EXOC4: variants seen among roughly 807,000 people sequenced by gnomAD.
The protein encoded by EXOC4 is SEC8-like 1.
EXOC4 carries 71 observed loss-of-function variants against 107.2 expected under a neutral mutation model. The observed-to-expected ratio is 0.66, with a 90% confidence interval of 0.55 to 0.81. EXOC4 has a LOEUF of 0.81. Ranked by LOEUF, EXOC4 falls within the 30% of genes least tolerant of loss-of-function variation. The pLI, the probability that EXOC4 is intolerant of heterozygous loss-of-function variation, is 0.00. For missense variants in EXOC4, 1,108 were observed against 1,189.6 expected, an observed-to-expected ratio of 0.93 and a Z score of 1.01; for synonymous variants, 456 against 441.2, an observed-to-expected ratio of 1.03 and a Z score of -0.42.
chr7:133,482,621 T>G (rs1799183344), intron 9 of EXOC4, among the ~76,000 whole-genome samples: 1 of 152,138 alleles, frequency 6.6e-6, no homozygotes, highest in Non-Finnish European at 1.5e-5. Flanking sequence ...CCCCAGCACT[T>G]GCTTTGTAAC....
chr7:133,697,604 C>A (rs1794564623), intron 10 of EXOC4, among the ~76,000 whole-genome samples: 1 of 152,110 alleles, frequency 6.6e-6, no homozygotes, highest in South Asian at 2.1e-4. Flanking sequence ...ATTCAAGGGG[C>A]CTTGGCCATA....
At chr7:133,987,774 G>T (rs142513872) in intron 14 of EXOC4, among the ~76,000 whole-genome samples, 128 of 152,170 alleles carry the variant, frequency 8.4e-4, no homozygotes, top group African/African-American at 2.9e-3. Flanking sequence ...CCTGACAGCT[G>T]ATACCAGTCT....
intron 10 of EXOC4, among the ~76,000 whole-genome samples, chr7:133,787,679 AG>A (rs1461580486): frequency 6.6e-6 from 1 of 151,534 alleles, no homozygotes; most frequent in Non-Finnish European, 1.5e-5. Flanking sequence ...GTCTTCACAT[AG>A]GGTGCAGGGA....
At chr7:133,608,794 G>A (rs1802012418) in intron 9 of EXOC4, among the ~76,000 whole-genome samples, 1 of 151,912 alleles carries the variant, frequency 6.6e-6, no homozygotes, top group Admixed American at 6.6e-5. Flanking sequence ...TGATCTGCCT[G>A]CCTCGGCCTC....
At chr7:133,253,342 C>T in intron 1 of EXOC4, 155 bp downstream of exon 1, 1 of 1,404,606 alleles carries the variant, frequency 7.1e-7, no homozygotes, top group Non-Finnish European at 9.3e-7. Context: ...CCCCAGGGCC[C>T]CAGCAATTCC....
intron 13 of EXOC4, among the ~76,000 whole-genome samples, chr7:133,935,445 G>A (rs1800277886): frequency 6.6e-6 from 1 of 152,154 alleles, no homozygotes; most frequent in South Asian, 2.1e-4. Flanking sequence ...AAGAACGCAT[G>A]GGATAATGGA....
chr7:133,926,883 G>T (rs1443155248), intron 13 of EXOC4, among the ~76,000 whole-genome samples: 1 of 152,072 alleles, frequency 6.6e-6, no homozygotes, highest in Non-Finnish European at 1.5e-5. Flanking sequence ...ATGAAATTAG[G>T]AAGTCAACAT....
At chr7:133,811,983 T>A (rs1179124398) in intron 10 of EXOC4, among the ~76,000 whole-genome samples, 1 of 152,204 alleles carries the variant, frequency 6.6e-6, no homozygotes, top group African/African-American at 2.4e-5. Flanking sequence ...CTACTAGGCA[T>A]GAAGGATTCA....
rs1162067827 is a variant in EXOC4 at position 133,857,277 on chromosome 7, G to GTA, written c.1735-38303_1735-38302dup. 6.8e-4 allele frequency among the ~76,000 whole-genome samples: 4 copies of GTA among 5,850 alleles called. 1 individual carries two copies. Among genetic ancestry groups the GTA allele is most frequent in the Non-Finnish European group, 1.1e-3 (4 of 3,692 alleles). The allele number at this position is 5,850 out of a possible 152,430, so 3.8% of individuals were successfully genotyped here. ...TATATATATATATATATATATACAC[G>GTA]TATATATATATATATATATACACGT... On this transcript the variant is annotated intron_variant, in intron 11 of 17. Coordinates refer to ENST00000253861, the MANE Select transcript of EXOC4 (RefSeq NM_021807.4).
intron 12 of EXOC4, among the ~76,000 whole-genome samples, chr7:133,911,287 C>T (rs944882161): frequency 6.6e-5 from 10 of 152,184 alleles, no homozygotes; most frequent in African/African-American, 2.4e-4. Context: ...TCCTGGAATT[C>T]TGTAACCCAC....
chr7:133,575,624 G>A (rs1801110844), intron 9 of EXOC4, among the ~76,000 whole-genome samples: 1 of 152,190 alleles, frequency 6.6e-6, no homozygotes, highest in African/African-American at 2.4e-5. Flanking sequence ...ACCAGTTCTG[G>A]TAATGAGTAG....
intron 7 of EXOC4, among the ~76,000 whole-genome samples, chr7:133,434,458 C>G (rs903597607): frequency 2.0e-5 from 3 of 152,156 alleles, no homozygotes; most frequent in Non-Finnish European, 2.9e-5. Flanking sequence ...TGAGCTCCCC[C>G]CTCTGGCATT....
chr7:133,642,500 C>A (rs181868818), intron 10 of EXOC4, among the ~76,000 whole-genome samples: 4 of 152,296 alleles, frequency 2.6e-5, no homozygotes, highest in Admixed American at 2.6e-4. Context: ...GTCCCTCTTA[C>A]CCCACACGTC....
intron 1 of EXOC4, among the ~76,000 whole-genome samples, chr7:133,268,191 C>T (rs2150515571): frequency 6.6e-6 from 1 of 152,286 alleles, no homozygotes; most frequent in African/African-American, 2.4e-5. Context: ...AAAGTTAAGT[C>T]ACTTACCAAA....
chr7:133,709,455 C>A (rs1476014746), intron 10 of EXOC4, among the ~76,000 whole-genome samples: 1 of 152,114 alleles, frequency 6.6e-6, no homozygotes, highest in Admixed American at 6.5e-5. Flanking sequence ...TGTTTAGACA[C>A]CTTGTTTGTT....
chr7:134,016,950 G>A (rs1306532162), intron 17 of EXOC4, among the ~76,000 whole-genome samples: 1 of 152,104 alleles, frequency 6.6e-6, no homozygotes, highest in Non-Finnish European at 1.5e-5. Context: ...ATCAAGAGTG[G>A]GTATTGCCCC....
intron 14 of EXOC4, among the ~76,000 whole-genome samples, chr7:133,987,323 G>A (rs1197515546): frequency 4.3e-5 from 6 of 141,118 alleles, no homozygotes; most frequent in South Asian, 2.5e-4. Context: ...TTAGCCAGGC[G>A]TGGTGGTGCT....
At chr7:133,936,245 T>TA (rs1300547651) in intron 13 of EXOC4, among the ~76,000 whole-genome samples, 3 of 152,282 alleles carry the variant, frequency 2.0e-5, no homozygotes, top group Non-Finnish European at 2.9e-5. Context: ...ACGTTTCCTT[T>TA]AAAAAAGATA....
chr7:133,529,607 A>G (rs1341500672), intron 9 of EXOC4, among the ~76,000 whole-genome samples: 1 of 152,152 alleles, frequency 6.6e-6, no homozygotes, highest in Non-Finnish European at 1.5e-5. Context: ...TGAAGCAGGT[A>G]TTCATATCTT....
Sources: allele counts gnomAD v4.1 joint callset (sites outside exome capture counted in the v4.1 genomes callset), GRCh38; gene constraint gnomAD v4.1.1; transcripts MANE v1.5; gene names NCBI Gene and HGNC (gene_info 2026-07-23, HGNC 2026-07-21).